The following ADGRB3 variants were observed in gnomAD, a reference collection of about 807,000 sequenced individuals.
The protein encoded by ADGRB3 is adhesion G protein-coupled receptor B3.
A neutral mutation model predicts 193.4 loss-of-function variants in ADGRB3; 37 were observed. The observed-to-expected ratio is 0.19, with a 90% confidence interval of 0.15 to 0.25. The LOEUF (loss-of-function observed/expected upper bound fraction) is 0.25. ADGRB3 is among the 10% of genes least tolerant of loss of function. The pLI, the probability that ADGRB3 is intolerant of heterozygous loss-of-function variation, is 1.00. For missense variants in ADGRB3, 1,637 were observed against 1,852.9 expected, an observed-to-expected ratio of 0.88 and a Z score of 2.14; for synonymous variants, 690 against 644.2, an observed-to-expected ratio of 1.07 and a Z score of -1.08.
chr6:68,943,983 C>A lies in ADGRB3; in HGVS notation c.1184C>A (p.Ala395Asp). The part of the protein sequence containing the change: ...PETHHKPCNI[A>D]LCPVDGQWQE... ...ACACATCATAAGCCTTGTAATATTG[C>A]TCTTTGCCCAGGTGAGCCTATTCTG... The change falls in exon 6 of 32, where the codon GCT becomes GAT. Residue 395 changes from alanine to aspartate, a missense_variant. Physicochemically the swap from Ala to Asp is moderately radical, Grantham distance 126. Transcript: ENST00000370598. The A allele has an allele frequency of 6.2e-7, 1 of 1,604,028 alleles. No individual in the cohort carries two copies. Among genetic ancestry groups the A allele is most frequent in the Non-Finnish European group, 8.5e-7 (1 of 1,173,110 alleles).
intron 17 of ADGRB3, among the ~76,000 whole-genome samples, chr6:69,085,064 G>A (rs1046570577): frequency 2.6e-5 from 4 of 151,978 alleles, no homozygotes; most frequent in Non-Finnish European, 5.9e-5. Flanking sequence ...AATTTCCAGA[G>A]TGTAAAGGAA....
intron 31 of ADGRB3, among the ~76,000 whole-genome samples, chr6:69,383,464 A>G (rs1769994179): frequency 6.6e-6 from 1 of 152,000 alleles, no homozygotes; most frequent in Admixed American, 6.6e-5. Context: ...ACATTATTAT[A>G]ATCTTAGTAC....
At chr6:69,190,601 T>C (rs2880651) in intron 17 of ADGRB3, among the ~76,000 whole-genome samples, 21,447 of 151,998 alleles carry the variant, frequency 0.14, 1,572 homozygotes, top group Middle Eastern at 0.16. Flanking sequence ...AGAAAGAAAA[T>C]TATTTTTCAT....
intron 13 of ADGRB3, among the ~76,000 whole-genome samples, chr6:69,044,189 T>C (rs928087368): frequency 1.3e-5 from 2 of 152,220 alleles, no homozygotes; most frequent in African/African-American, 4.8e-5. Flanking sequence ...TAGTGACCAC[T>C]GTTCTTATAT....
intron 3 of ADGRB3, among the ~76,000 whole-genome samples, chr6:68,835,864 AT>A (rs1768035986): frequency 6.6e-6 from 1 of 151,918 alleles, no homozygotes; most frequent in South Asian, 2.1e-4. Flanking sequence ...TGGATTATTT[AT>A]TTTCCCGGTC....
chr6:68,701,866 C>A (rs1765247948), intron 3 of ADGRB3, among the ~76,000 whole-genome samples: 1 of 152,120 alleles, frequency 6.6e-6, no homozygotes, highest in African/African-American at 2.4e-5. Flanking sequence ...TAATATTTAT[C>A]CACTATCCTA....
At chr6:69,277,417 A>T (rs1767326825) in intron 20 of ADGRB3, among the ~76,000 whole-genome samples, 1 of 152,120 alleles carries the variant, frequency 6.6e-6, no homozygotes, top group Non-Finnish European at 1.5e-5. Flanking sequence ...TCTGCATTTC[A>T]TATGTATCCA....
intron 3 of ADGRB3, among the ~76,000 whole-genome samples, chr6:68,726,270 T>G (rs1379316570): frequency 6.6e-6 from 1 of 151,614 alleles, no homozygotes; most frequent in African/African-American, 2.4e-5. Context: ...AAAAAGCAAC[T>G]TTAGAGATTA....
chr6:68,756,134 A>T (rs916092477), intron 3 of ADGRB3, among the ~76,000 whole-genome samples: 1 of 152,058 alleles, frequency 6.6e-6, no homozygotes, highest in African/African-American at 2.4e-5. Flanking sequence ...CGGCTGTGGG[A>T]AATTTCTTCA....
intron 3 of ADGRB3, among the ~76,000 whole-genome samples, chr6:68,795,445 G>A (rs1005761484): frequency 1.9e-4 from 29 of 151,938 alleles, no homozygotes; most frequent in African/African-American, 7.0e-4. Flanking sequence ...ACACATTCAG[G>A]AAGCTAAAGG....
chr6:69,060,443 A>G (rs1771715580), intron 15 of ADGRB3, among the ~76,000 whole-genome samples: 1 of 152,004 alleles, frequency 6.6e-6, no homozygotes. Context: ...ACATTCCCAA[A>G]CACACAGGGA....
chr6:68,882,890 T>A (rs191933094), intron 3 of ADGRB3, among the ~76,000 whole-genome samples: 2 of 152,080 alleles, frequency 1.3e-5, no homozygotes, highest in Non-Finnish European at 1.5e-5. Flanking sequence ...ACTAGTTTTT[T>A]TTTTGTTTTG....
At chr6:68,832,410 G>T (rs1767972867) in intron 3 of ADGRB3, among the ~76,000 whole-genome samples, 1 of 151,906 alleles carries the variant, frequency 6.6e-6, no homozygotes, top group South Asian at 2.1e-4. Flanking sequence ...TCCTCGACTA[G>T]ACTCTTAATT....
rs146607585 is a variant in ADGRB3, at chr6:69,305,357, A to C, written c.2815-19515A>C. Among the ~76,000 whole-genome samples the C allele has an allele frequency of 2.8e-4, 42 of 151,642 alleles. 2 individuals carry two copies. Among genetic ancestry groups the C allele is most frequent in the African/African-American group, 9.7e-4 (40 of 41,210 alleles). On this transcript the variant is annotated intron_variant, in intron 20 of 31. Coordinates refer to ENST00000370598, the MANE Select transcript of ADGRB3 (RefSeq NM_001704.3). ...TACTCACAGTGATTATTATTGTGTG[A>C]CAAAATATACTTTTTTGGCTAATAG...
intron 3 of ADGRB3, among the ~76,000 whole-genome samples, chr6:68,818,672 A>G (rs1016815021): frequency 1.3e-5 from 2 of 152,112 alleles, no homozygotes; most frequent in East Asian, 1.9e-4. Flanking sequence ...TTAATTATTT[A>G]TCACATGCAG....
chr6:68,990,029 G>T (rs1769188681), intron 10 of ADGRB3, among the ~76,000 whole-genome samples: 1 of 152,040 alleles, frequency 6.6e-6, no homozygotes, highest in African/African-American at 2.4e-5. Flanking sequence ...AAACCATAGA[G>T]ATGACAACAA....
intron 15 of ADGRB3, among the ~76,000 whole-genome samples, chr6:69,058,572 G>T (rs995759258): frequency 1.3e-5 from 2 of 151,554 alleles, no homozygotes; most frequent in African/African-American, 4.8e-5. Context: ...TTTAATGTAG[G>T]TGTTTACTGC....
intron 3 of ADGRB3, among the ~76,000 whole-genome samples, chr6:68,901,546 C>A (rs901725350): frequency 6.6e-6 from 1 of 152,120 alleles, no homozygotes; most frequent in African/African-American, 2.4e-5. Context: ...TCATTGGGAA[C>A]CATCTTAGAC....
chr6:69,314,698 C>G (rs1254995597), intron 20 of ADGRB3, among the ~76,000 whole-genome samples: 1 of 151,510 alleles, frequency 6.6e-6, no homozygotes, highest in Non-Finnish European at 1.5e-5. Flanking sequence ...GGGCCAAGTA[C>G]TTGGGTCTAT....
Sources: allele counts gnomAD v4.1 joint callset (sites outside exome capture counted in the v4.1 genomes callset), GRCh38; gene constraint gnomAD v4.1.1; transcripts MANE v1.5; gene names NCBI Gene and HGNC (gene_info 2026-07-23, HGNC 2026-07-21).